Variants in DCBLD2 observed in about 807,000 individuals in gnomAD.
DCBLD2 encodes the protein discoidin, CUB and LCCL domain containing 2.
Under a neutral mutation model 86.8 loss-of-function variants are expected in DCBLD2, and 54 were observed. That is an observed-to-expected ratio of 0.62 (90% CI 0.50 to 0.78). The LOEUF (loss-of-function observed/expected upper bound fraction) is 0.78, where lower values mean the gene tolerates loss of function less well. Ranked by LOEUF, DCBLD2 falls within the 30% of genes least tolerant of loss-of-function variation. The pLI is 0.00. For synonymous variants in DCBLD2, 354 were observed against 341.3 expected, an observed-to-expected ratio of 1.04 and a Z score of -0.41; for missense variants, 908 against 954.2, an observed-to-expected ratio of 0.95 and a Z score of 0.64.
At chr3:98,888,123 A>G (rs1943593491) in intron 1 of DCBLD2, among the ~76,000 whole-genome samples, 1 of 151,958 alleles carries the variant, frequency 6.6e-6, no homozygotes, top group Non-Finnish European at 1.5e-5. Context: ...AGTAGAATGT[A>G]TTTAAATTTC....
intron 13 of DCBLD2, among the ~76,000 whole-genome samples, chr3:98,805,596 A>T (rs1401803914): frequency 6.6e-6 from 1 of 152,158 alleles, no homozygotes; most frequent in African/African-American, 2.4e-5. Flanking sequence ...CCTATTTTCC[A>T]CAGCATATTA....
intron 2 of DCBLD2, among the ~76,000 whole-genome samples, chr3:98,855,706 G>A (rs752052458): frequency 1.2e-4 from 18 of 152,120 alleles, no homozygotes; most frequent in Admixed American, 1.2e-3. Context: ...GTAACCAAAC[G>A]GTCTTGATAG....
intron 14 of DCBLD2, 124 bp from the exon 15 acceptor site, chr3:98,800,840 CT>C: frequency 7.6e-7 from 1 of 1,319,514 alleles, no homozygotes; most frequent in Non-Finnish European, 1.0e-6. Context: ...ACAAACTTGC[CT>C]TTATAATCCA....
intron 13 of DCBLD2, among the ~76,000 whole-genome samples, chr3:98,804,228 G>A (rs1428529897): frequency 6.6e-6 from 1 of 152,158 alleles, no homozygotes; most frequent in Non-Finnish European, 1.5e-5. Context: ...TTCAGAGCCT[G>A]TTATTGGTCT....
chr3:98,872,377 T>C (rs748115187), intron 2 of DCBLD2, among the ~76,000 whole-genome samples: 3 of 152,160 alleles, frequency 2.0e-5, no homozygotes, highest in African/African-American at 4.8e-5. Flanking sequence ...GTCCCCTCTC[T>C]CTCTGCACAA....
At chr3:98,823,220 T>C (rs184330939) in intron 4 of DCBLD2, among the ~76,000 whole-genome samples, 265 of 152,304 alleles carry the variant, frequency 1.7e-3, no homozygotes, top group Admixed American at 6.5e-3. Flanking sequence ...TCCATCCATA[T>C]ATATATAATA....
chr3:98,866,331 G>A (rs1464538342), intron 2 of DCBLD2, among the ~76,000 whole-genome samples: 1 of 152,116 alleles, frequency 6.6e-6, no homozygotes, highest in Non-Finnish European at 1.5e-5. Flanking sequence ...CACCAACAGT[G>A]TAAAAGTGTT....
At chr3:98,847,117 T>C (rs1042046973) in intron 3 of DCBLD2, among the ~76,000 whole-genome samples, 3 of 152,166 alleles carry the variant, frequency 2.0e-5, no homozygotes, top group African/African-American at 7.2e-5. Context: ...ATTACTCTTT[T>C]GGTGGTAGGG....
In DCBLD2 at chr3:98,870,797, GAAAGAAAGAAAGA is replaced by G. The variant is rs1559794636; in HGVS notation, c.433+10730_433+10742del. Among the ~76,000 whole-genome samples, 579 of 151,082 alleles carry G rather than the reference GAAAGAAAGAAAGA, an allele frequency of 3.8e-3. 10 individuals carry two copies. Among genetic ancestry groups the G allele is most frequent in the African/African-American group, 0.012 (480 of 41,134 alleles). On this transcript the variant is annotated intron_variant, in intron 2 of 15. Transcript: ENST00000326840. The stretch of plus-strand genomic sequence containing the variant: ...AGAAAGAAAGAAAGAAAGAAAGAAA[GAAAGAAAGAAAGA>G]AAGGTAGGCAGGCATTGGTGGTATT...
At chr3:98,888,571 G>T (rs765985343) in intron 1 of DCBLD2, among the ~76,000 whole-genome samples, 1 of 151,964 alleles carries the variant, frequency 6.6e-6, no homozygotes, top group African/African-American at 2.4e-5. Flanking sequence ...AACAACTGGT[G>T]TCAAGGTCCT....
At chr3:98,888,836 G>A (rs940787644) in intron 1 of DCBLD2, among the ~76,000 whole-genome samples, 7 of 152,006 alleles carry the variant, frequency 4.6e-5, no homozygotes, top group Admixed American at 3.9e-4. Context: ...CTGCAGTTCA[G>A]TAACTCACTC....
chr3:98,860,640 G>A (rs1433676551), intron 2 of DCBLD2, among the ~76,000 whole-genome samples: 1 of 152,138 alleles, frequency 6.6e-6, no homozygotes, highest in Non-Finnish European at 1.5e-5. Context: ...CATAAGTGAA[G>A]GAGAAATAAA....
At chr3:98,872,311 AGGACT>A in intron 2 of DCBLD2, among the ~76,000 whole-genome samples, 1 of 152,292 alleles carries the variant, frequency 6.6e-6, no homozygotes, top group Admixed American at 6.5e-5. Context: ...TCACTCTAAC[AGGACT>A]GGATTAGTTA....
At chr3:98,839,654 G>A (rs1456337283) in intron 3 of DCBLD2, among the ~76,000 whole-genome samples, 2 of 152,128 alleles carry the variant, frequency 1.3e-5, no homozygotes, top group East Asian at 3.8e-4. Context: ...CATGTGTTAT[G>A]ACCAGATGTC....
At chr3:98,875,583 A>C (rs556240019) in intron 2 of DCBLD2, among the ~76,000 whole-genome samples, 3 of 152,318 alleles carry the variant, frequency 2.0e-5, no homozygotes, top group African/African-American at 7.2e-5. Flanking sequence ...AACAGGAAGG[A>C]AGACCCAGGA....
chr3:98,799,108 G>T lies in DCBLD2; in HGVS notation c.*264C>A. On this transcript the variant is annotated 3_prime_UTR_variant, in exon 16 of 16. Coordinates refer to ENST00000326840, the MANE Select transcript of DCBLD2 (RefSeq NM_080927.4). ...TTAATTTCTCTGAAGTGCATTATAG[G>T]GAGCTTTTTCTGTATTAAAAATAGT... 2 of 331,438 alleles carry T rather than the reference G, an allele frequency of 6.0e-6. No individual in the cohort carries two copies. Among genetic ancestry groups the T allele is most frequent in the South Asian group, 5.0e-5 (1 of 19,822 alleles). The allele number at this position is 331,438 out of a possible 1,614,324, so 20.5% of individuals were successfully genotyped here. A position where few individuals can be genotyped will look rare whatever the true frequency, so the allele number is the denominator to read the frequency against.
At chr3:98,848,957 G>C (rs1376969237) in intron 3 of DCBLD2, among the ~76,000 whole-genome samples, 1 of 152,110 alleles carries the variant, frequency 6.6e-6, no homozygotes, top group Middle Eastern at 3.2e-3. Context: ...ATCACCTGGG[G>C]TCAGGAGTTC....
chr3:98,896,943 T>G (rs1943760403), intron 1 of DCBLD2, among the ~76,000 whole-genome samples: 1 of 152,228 alleles, frequency 6.6e-6, no homozygotes. Flanking sequence ...ATTCAATTAA[T>G]GTCCAACATT....
At position 98,796,357 on chromosome 3, in the gene DCBLD2, T is replaced by A. The variant is rs967936038; in HGVS notation, c.*3015A>T. 2.0e-5 allele frequency: 3 copies of A among 152,604 alleles called. No homozygotes were observed. The highest frequency in any genetic ancestry group is 4.4e-5 in the Non-Finnish European group (3 of 68,018). The allele number at this position is 152,604 out of a possible 1,614,324, so 9.5% of individuals were successfully genotyped here. A position where few individuals can be genotyped will look rare whatever the true frequency, so the allele number is the denominator to read the frequency against. ...TTAATAACCACCCAACTCTTAGATT[T>A]TGCAGTTTAGGGACTTCAAGTTCAG... On this transcript the variant is annotated 3_prime_UTR_variant, in exon 16 of 16. Transcript: ENST00000326840.
Sources: gnomAD v4.1 joint callset for allele counts (sites outside exome capture counted in the v4.1 genomes callset) on GRCh38, gnomAD v4.1.1 for gene constraint, MANE v1.5 for transcripts, NCBI Gene and HGNC (gene_info 2026-07-23, HGNC 2026-07-21) for gene names.